RNF213: variants seen among roughly 807,000 people sequenced by gnomAD.
RNF213 encodes the protein E3 ubiquitin-protein ligase RNF213.
In RNF213, 341 loss-of-function variants were observed where a neutral mutation model predicts 514.4. That is an observed-to-expected ratio of 0.66 (90% confidence interval 0.61 to 0.73). RNF213 has a LOEUF of 0.73. RNF213 is among the 30% of genes least tolerant of loss of function. The pLI, the probability that RNF213 is intolerant of heterozygous loss-of-function variation, is 0.00. For synonymous variants in RNF213, 2,655 were observed against 2,658.2 expected, an observed-to-expected ratio of 1.00 and a Z score of 0.04; for missense variants, 5,767 against 6,615.6, an observed-to-expected ratio of 0.87 and a Z score of 4.45.
chr17:80,380,799 GC>G, intron 55 of RNF213, 31 bp from the exon 56 acceptor site: 1 of 1,614,060 alleles, frequency 6.2e-7, no homozygotes. Flanking sequence ...GCCAGCCTCA[GC>G]CTCTGTCTTG....
intron 3 of RNF213, among the ~76,000 whole-genome samples, chr17:80,285,314 C>T (rs1448960528): frequency 6.6e-6 from 1 of 152,228 alleles, no homozygotes; most frequent in Non-Finnish European, 1.5e-5. Context: ...ATGGGGTGAG[C>T]TGGATGGGAA....
rs565940303 is a variant in RNF213 at position 80,347,161 on chromosome 17, G to T, written c.8826G>T (p.Val2942=). Residue 2942 remains valine, a synonymous_variant, in exon 29 of 68, where the codon GTG becomes GTT. Coordinates refer to ENST00000582970, the MANE Select transcript of RNF213 (RefSeq NM_001256071.3). This position sits in a 1 kb window ranked among gnomAD's most constrained non-coding sequence, Gnocchi z 7.2. The part of the protein sequence containing the change: ...FASFAKAYET[V]CKRQDKEFFG... The stretch of plus-strand genomic sequence containing the variant: ...CCTTTGCCAAAGCCTACGAAACGGT[G>T]TGTAAGCGCCAGGACAAGGAATTCT... 1 of 1,614,008 alleles carries T rather than the reference G, an allele frequency of 6.2e-7. No individual in the cohort carries two copies. Among genetic ancestry groups the T allele is most frequent in the South Asian group, 1.1e-5 (1 of 91,058 alleles).
At chr17:80,381,503 C>G in intron 56 of RNF213, 44 bp from the exon 57 acceptor site, 1 of 1,606,498 alleles carries the variant, frequency 6.2e-7, no homozygotes. Flanking sequence ...ATCTTCTCTA[C>G]AAACCAGATC....
rs768361501 is a variant in RNF213, at chr17:80,294,983, T to G, written c.1735T>G (p.Leu579Val). The change falls in exon 9 of 68, where the codon TTG becomes GTG. Residue 579 changes from leucine to valine, a missense_variant. By Grantham distance (32) the Leu-to-Val change is conservative. This residue lies in a region of RNF213 where 592 missense variants were observed against 673.9 expected (regional missense o/e 0.88). Coordinates refer to ENST00000582970, the MANE Select transcript of RNF213 (RefSeq NM_001256071.3). ...AGGACAGGCACAGCTGTGGACCGAT[T>G]TGCAGTACAGGGAGAAAGAGGTATC... ...YEGQAQLWTD[L>V]QYREKEVKRY... is the part of the protein sequence containing the mutation. The G allele has an allele frequency of 6.2e-7, 1 of 1,614,148 alleles. No homozygotes were observed. Among genetic ancestry groups the G allele is most frequent in the Non-Finnish European group, 8.5e-7 (1 of 1,180,026 alleles).
At chr17:80,384,820 G>A in intron 59 of RNF213, 1 of 599,748 alleles carries the variant, frequency 1.7e-6, no homozygotes, top group East Asian at 3.0e-5. Flanking sequence ...TAGAGGCTGG[G>A]CTCCCTCTTC....
chr17:80,338,355 A>G (rs1295779908), intron 25 of RNF213, among the ~76,000 whole-genome samples: 2 of 152,250 alleles, frequency 1.3e-5, no homozygotes, highest in Admixed American at 6.5e-5. Context: ...TAAATCAGCA[A>G]GAATCCAAAT....
intron 6 of RNF213, among the ~76,000 whole-genome samples, 162 bp from the exon 7 acceptor site, chr17:80,290,408 T>TAC: frequency 7.3e-6 from 1 of 136,524 alleles, no homozygotes; most frequent in Non-Finnish European, 1.6e-5. Context: ...TGTGCTTGTG[T>TAC]GTGTGCGTGT....
chr17:80,339,940 C>T lies in RNF213; in HGVS notation c.5573C>T (p.Thr1858Ile). The T allele has an allele frequency of 6.5e-7, 1 of 1,537,030 alleles. No homozygotes were observed. Among genetic ancestry groups the T allele is most frequent in the African/African-American group, 1.4e-5 (1 of 73,162 alleles). The change falls in exon 26 of 68, where the codon ACT becomes ATT. Residue 1858 changes from threonine (T) to isoleucine (I), a missense_variant. Coordinates refer to ENST00000582970, the MANE Select transcript of RNF213 (RefSeq NM_001256071.3). The stretch of plus-strand genomic sequence containing the variant: ...CAAACCCCAAGCCAGCCCCTGCCCA[C>T]TTACGATGAGGTGCTGCTCTGCACC... Reference protein sequence around the residue: ...YMQTPSQPLPTYDEVLLCTPA... With the variant: ...YMQTPSQPLPIYDEVLLCTPA...
chr17:80,326,200 C>T (rs1456464523), intron 18 of RNF213, among the ~76,000 whole-genome samples: 5 of 152,192 alleles, frequency 3.3e-5, no homozygotes, highest in Non-Finnish European at 5.9e-5. Context: ...CATCGCTCAC[C>T]GTAAGCGCTG....
At chr17:80,367,256 G>A (rs987506011) in intron 42 of RNF213, among the ~76,000 whole-genome samples, 10 of 152,150 alleles carry the variant, frequency 6.6e-5, no homozygotes, top group African/African-American at 2.2e-4. Flanking sequence ...TAGAAATATA[G>A]TTATCTCTGG....
intron 48 of RNF213, 107 bp downstream of exon 48, chr17:80,372,841 C>T: frequency 1.5e-6 from 2 of 1,367,006 alleles, no homozygotes; most frequent in Non-Finnish European, 2.0e-6. Flanking sequence ...CTGGGCTTTT[C>T]TACATCCCCT....
At position 80,263,322 on chromosome 17, in the gene RNF213, G is replaced by A. The variant is rs60733836; in HGVS notation, c.-108-252G>A. Among the ~76,000 whole-genome samples, 1,760 of 152,292 alleles carry A rather than the reference G, an allele frequency of 0.012. 29 individuals carry two copies. The highest frequency in any genetic ancestry group is 0.04 in the African/African-American group (1,682 of 41,572). ...AGCGCCTTGCTCAGGGCAGGCCGTG[G>A]GACCCTGCCGAACAGCACGTGGCTG... On this transcript the variant is annotated intron_variant, in intron 1 of 67. Coordinates refer to ENST00000582970, the MANE Select transcript of RNF213 (RefSeq NM_001256071.3). The surrounding 1 kb of genome is among the most constrained non-coding windows in gnomAD (Gnocchi z 4.9).
In RNF213 at chr17:80,307,181, C is replaced by T. The variant is rs374627135; in HGVS notation, c.2481C>T (p.Leu827=). ...ACATTTTAGAAATGCTGTTGCGACT[C>T]CTGGACACTTACCGGGACAAGTAAG... ...VQNILEMLLR[L]LDTYRDKIPE... Residue 827 remains leucine, a synonymous_variant, in exon 13 of 68, where the codon CTC becomes CTT. Transcript: ENST00000582970. The T allele has an allele frequency of 9.9e-6, 16 of 1,613,782 alleles. No homozygotes were observed. The African/African-American group carries it at 2.1e-4, about 22-fold the overall frequency.
At chr17:80,338,024 T>C in intron 25 of RNF213, 27 bp downstream of exon 25, 1 of 1,537,124 alleles carries the variant, frequency 6.5e-7, no homozygotes, top group South Asian at 1.2e-5. Flanking sequence ...GCAGTGGCGC[T>C]AAGCTGGTGG....
Position 80,294,840 on chromosome 17 carries a change from C to G in RNF213, c.1592C>G (p.Ala531Gly). Residue 531 changes from alanine (A) to glycine (G), a missense_variant, in exon 9 of 68, where the codon GCG becomes GGG. This residue lies in a region of RNF213 where 592 missense variants were observed against 673.9 expected (regional missense o/e 0.88). Transcript: ENST00000582970. ...GTGAAGGGGAAGCAGATTGCCGCTG[C>G]GCTCATGCTGGACAGCACCTTCAGC... is the stretch of plus-strand genomic sequence containing the variant. ...DLVKGKQIAA[A>G]LMLDSTFSIL... 4.3e-6 allele frequency: 7 copies of G among 1,614,222 alleles called. No homozygotes were observed. The highest frequency in any genetic ancestry group is 5.9e-6 in the Non-Finnish European group (7 of 1,180,042).
chr17:80,383,685 T>TA lies in RNF213; in HGVS notation c.14083dup (p.Thr4695AsnfsTer7). On this transcript the variant is annotated frameshift_variant, in exon 59 of 68. Transcript: ENST00000582970. LOFTEE classifies it high-confidence loss of function. ...TCATTTTCTCCATCCAGCATCTAGA[T>TA]AAAACCCTTCCCACCATGAATAATC... The TA allele has an allele frequency of 6.2e-7, 1 of 1,614,046 alleles. No homozygotes were observed.
chr17:80,280,333 C>A (rs1372280110), intron 3 of RNF213, among the ~76,000 whole-genome samples: 1 of 152,164 alleles, frequency 6.6e-6, no homozygotes, highest in Non-Finnish European at 1.5e-5. Context: ...GGGCCCTTCC[C>A]CAGAGAGAAC....
rs551299200 is a variant in RNF213, at chr17:80,374,810, G to A, written c.13074+221G>A. ...ACAGCTATGACAGTTGAGCTGGGTT[G>A]ACAGATTTGCTGTGTCTTGCTGATC... On this transcript the variant is annotated intron_variant, in intron 50 of 67. Transcript: ENST00000582970. 1.6e-4 allele frequency: 87 copies of A among 557,508 alleles called. 1 individual carries two copies. In the South Asian group the frequency reaches 1.6e-3, roughly 10 times the overall value. The allele number at this position is 557,508 out of a possible 1,614,324, so 34.5% of individuals were successfully genotyped here. A position where few individuals can be genotyped will look rare whatever the true frequency, so the allele number is the denominator to read the frequency against.
chr17:80,324,889 T>A (rs759205883), intron 17 of RNF213, 141 bp from the exon 18 acceptor site: 1 of 771,202 alleles, frequency 1.3e-6, no homozygotes, highest in Non-Finnish European at 2.1e-6. Flanking sequence ...AGTGTTTTAC[T>A]ATTTTGCTCT....
Sources: gnomAD v4.1 joint callset for allele counts (sites outside exome capture counted in the v4.1 genomes callset) on GRCh38, gnomAD v4.1.1 for gene constraint, gnomAD v4.1.1 regional missense constraint, Gnocchi (gnomAD v3.1) non-coding constraint, MANE v1.5 for transcripts, NCBI Gene and HGNC (gene_info 2026-07-23, HGNC 2026-07-21) for gene names.